LDLRAD4: variants seen among roughly 807,000 people sequenced by gnomAD.
The protein encoded by LDLRAD4 is low density lipoprotein receptor class A domain containing 4.
Under a neutral mutation model 17.0 loss-of-function variants are expected in LDLRAD4, and 5 were observed. That is an observed-to-expected ratio of 0.29 (90% CI 0.15 to 0.62). The LOEUF is 0.62. Ranked by LOEUF, LDLRAD4 falls within the 20% of genes least tolerant of loss-of-function variation. The pLI, the probability that LDLRAD4 is intolerant of heterozygous loss-of-function variation, is 0.84. For missense variants in LDLRAD4, 340 were observed against 424.7 expected (o/e 0.80, Z 1.75); for synonymous variants, 168 against 171.8 (o/e 0.98, Z 0.17).
chr18:13,226,074 G>T (rs974528661), intron 1 of LDLRAD4, among the ~76,000 whole-genome samples: 1 of 151,284 alleles, frequency 6.6e-6, no homozygotes, highest in Admixed American at 6.6e-5. Flanking sequence ...AGGCTGGAGT[G>T]CAGTGGTGTG....
intron 3 of LDLRAD4, among the ~76,000 whole-genome samples, chr18:13,460,500 A>G (rs551549454): frequency 3.3e-5 from 5 of 152,242 alleles, no homozygotes; most frequent in Admixed American, 6.5e-5. Flanking sequence ...CTTAACTGAT[A>G]GTTTTAGAGC....
exon 2 of LDLRAD4, chr18:13,387,554 C>T (rs1014103165): frequency 1.1e-5 from 7 of 622,318 alleles, no homozygotes; most frequent in Admixed American, 1.0e-4. Context: ...ACCCAGGTAC[C>T]GCCCGCCCGC....
chr18:13,277,834 G>A (rs896736091), upstream of LDLRAD4, among the ~76,000 whole-genome samples: 1 of 152,208 alleles, frequency 6.6e-6, no homozygotes. Flanking sequence ...AGGAACAAGC[G>A]TGTGTCCTTT....
intron 2 of LDLRAD4, chr18:13,419,414 A>G (rs2089241390): frequency 6.6e-6 from 1 of 151,952 alleles, no homozygotes; most frequent in Non-Finnish European, 1.5e-5. Flanking sequence ...TATTTTTTTT[A>G]TTTTTTAGAG....
At chr18:13,343,789 A>G (rs2082517437) in intron 1 of LDLRAD4, among the ~76,000 whole-genome samples, 1 of 152,140 alleles carries the variant, frequency 6.6e-6, no homozygotes, top group Admixed American at 6.5e-5. Flanking sequence ...CTGGTGTGAG[A>G]TGGTATCTCA....
intron 3 of LDLRAD4, among the ~76,000 whole-genome samples, chr18:13,456,150 T>C (rs954792299): frequency 3.3e-5 from 5 of 152,066 alleles, no homozygotes; most frequent in Admixed American, 6.5e-5. Context: ...CAGGGCAGAG[T>C]TCCAGGTGTC....
intron 3 of LDLRAD4, among the ~76,000 whole-genome samples, chr18:13,551,212 T>G (rs1206603475): frequency 6.6e-6 from 1 of 152,122 alleles, no homozygotes; most frequent in Non-Finnish European, 1.5e-5. Context: ...CTTCCCACCC[T>G]CAGCAATGTG....
intron 4 of LDLRAD4, among the ~76,000 whole-genome samples, chr18:13,628,610 C>G (rs2148873180): frequency 6.6e-6 from 1 of 152,312 alleles, no homozygotes; most frequent in East Asian, 1.9e-4. Flanking sequence ...CACATCACCT[C>G]AAAATGAGAA....
intron 3 of LDLRAD4, among the ~76,000 whole-genome samples, chr18:13,619,160 C>T (rs1289845765): frequency 6.6e-6 from 1 of 152,130 alleles, no homozygotes; most frequent in Non-Finnish European, 1.5e-5. Flanking sequence ...AGCTGCCTCC[C>T]GTGTCAAGAG....
chr18:13,399,943 C>G (rs1220966689), intron 2 of LDLRAD4, among the ~76,000 whole-genome samples: 1 of 152,220 alleles, frequency 6.6e-6, no homozygotes, highest in African/African-American at 2.4e-5. Context: ...AATTATTTTG[C>G]TGCATTTTAT....
chr18:13,651,562 C>G (rs1027471933), exon 6 of LDLRAD4: 1 of 152,236 alleles, frequency 6.6e-6, no homozygotes, highest in Admixed American at 6.5e-5. Flanking sequence ...ATTGTTACAT[C>G]TCTCTTCCGG....
At chr18:13,232,193 C>T (rs1224569733) in intron 1 of LDLRAD4, among the ~76,000 whole-genome samples, 1 of 152,246 alleles carries the variant, frequency 6.6e-6, no homozygotes, top group Non-Finnish European at 1.5e-5. Context: ...CATCTCCTCC[C>T]TGTTAGAGGA....
intron 3 of LDLRAD4, chr18:13,500,691 A>C (rs766283102): frequency 6.6e-6 from 1 of 152,236 alleles, no homozygotes; most frequent in Non-Finnish European, 1.5e-5. Context: ...AATGGAGAAA[A>C]TCTACATCAG....
At position 13,645,298 on chromosome 18, in the gene LDLRAD4, A is replaced by G; in HGVS notation, c.562A>G (p.Thr188Ala). 1.2e-6 allele frequency: 2 copies of G among 1,614,042 alleles called. No individual in the cohort carries two copies. Among genetic ancestry groups the G allele is most frequent in the Non-Finnish European group, 1.7e-6 (2 of 1,179,994 alleles). ...GCCACCTCCTTACCAGGGGCCCTGC[A>G]CCCTGCAGCTCCGGGACCCTGAACA... The change falls in exon 6 of 6, where the codon ACC becomes GCC. Residue 188 changes from threonine to alanine, a missense_variant. Coordinates refer to ENST00000359446, the Ensembl canonical transcript of LDLRAD4. This position sits in a 1 kb window ranked among gnomAD's most constrained non-coding sequence, Gnocchi z 5.7.
chr18:13,615,889 T>C (rs1449969672), intron 3 of LDLRAD4: 2 of 152,038 alleles, frequency 1.3e-5, no homozygotes, highest in African/African-American at 4.8e-5. Context: ...TCTGTTACTG[T>C]TGAACAAGGA....
At chr18:13,489,796 C>T (rs2093321261) in intron 3 of LDLRAD4, 1 of 152,112 alleles carries the variant, frequency 6.6e-6, no homozygotes, top group South Asian at 2.1e-4. Flanking sequence ...GGAAGGAAGA[C>T]CTTTGCTGCA....
chr18:13,336,861 A>T (rs757732355), intron 1 of LDLRAD4, among the ~76,000 whole-genome samples: 11 of 152,180 alleles, frequency 7.2e-5, no homozygotes, highest in Non-Finnish European at 1.6e-4. Context: ...AATTTTGGTC[A>T]CAGCTTTCAT....
At chr18:13,357,186 A>C (rs1390559347) in intron 1 of LDLRAD4, among the ~76,000 whole-genome samples, 1 of 152,184 alleles carries the variant, frequency 6.6e-6, no homozygotes, top group Admixed American at 6.6e-5. Flanking sequence ...CACTTGTTAC[A>C]TCTTTTAAGT....
intron 3 of LDLRAD4, among the ~76,000 whole-genome samples, chr18:13,442,785 G>T (rs919232581): frequency 6.6e-6 from 1 of 152,198 alleles, no homozygotes; most frequent in African/African-American, 2.4e-5. Context: ...AGTGGTCTGT[G>T]CAGCCTGGCA....
Sources: allele counts gnomAD v4.1 joint callset (sites outside exome capture counted in the v4.1 genomes callset), GRCh38; gene constraint gnomAD v4.1.1; non-coding constraint Gnocchi (gnomAD v3.1); transcripts MANE v1.5; gene names NCBI Gene and HGNC (gene_info 2026-07-23, HGNC 2026-07-21).